Variants in ZNF609 observed in about 807,000 individuals in gnomAD.
ZNF609 encodes zinc finger protein 609.
In ZNF609, 11 loss-of-function variants were observed where a neutral mutation model predicts 109.5. That is an observed-to-expected ratio of 0.10 (90% CI 0.06 to 0.17). The LOEUF is 0.17. Ranked by LOEUF, ZNF609 falls within the 10% of genes least tolerant of loss-of-function variation. The pLI, the probability that ZNF609 is intolerant of heterozygous loss-of-function variation, is 1.00. For synonymous variants in ZNF609, 646 were observed against 662.0 expected, an observed-to-expected ratio of 0.98 and a Z score of 0.37; for missense variants, 1,559 against 1,772.4, an observed-to-expected ratio of 0.88 and a Z score of 2.16.
Position 64,460,673 on chromosome 15 carries a change from C to G in ZNF609, c.-293C>G, listed in dbSNP as rs1480526919. 1.6e-5 allele frequency: 1 copy of G among 64,444 alleles called. No homozygotes were observed. Among genetic ancestry groups the G allele is most frequent in the East Asian group, 4.8e-4 (1 of 2,094 alleles). The allele number at this position is 64,444 out of a possible 1,614,324, so 4.0% of individuals were successfully genotyped here. A position where few individuals can be genotyped will look rare whatever the true frequency, so the allele number is the denominator to read the frequency against. On this transcript the variant is annotated 5_prime_UTR_variant, in exon 1 of 10. Coordinates refer to ENST00000326648, the MANE Select transcript of ZNF609 (RefSeq NM_015042.2). Reference sequence around the variant, plus strand: ...ACCGGCCGGGCGGGGCGGAGAGGCGCGGGGAGGGGGCAGAGAGCCAGAGCC... The same window carrying G: ...ACCGGCCGGGCGGGGCGGAGAGGCGGGGGGAGGGGGCAGAGAGCCAGAGCC...
Position 64,573,346 on chromosome 15 carries a change from C to CTTTTTTT in ZNF609, c.748-49461_748-49455dup, listed in dbSNP as rs71133442. On this transcript the variant is annotated intron_variant, in intron 2 of 9. Coordinates refer to ENST00000326648, the MANE Select transcript of ZNF609 (RefSeq NM_015042.2). ...GCAGTAGAGTTAGTGGCCCAACTTT[C>CTTTTTTT]TTTTTTTTTTTTTTTTTTTTTTTTT... 2.5e-3 allele frequency among the ~76,000 whole-genome samples: 184 copies of CTTTTTTT among 72,974 alleles called. 42 individuals carry two copies. The highest frequency in any genetic ancestry group is 3.7e-3 in the East Asian group (7 of 1,894). The allele number at this position is 72,974 out of a possible 152,430, so 47.9% of individuals were successfully genotyped here.
At chr15:64,653,133 T>C (rs1321123096) in intron 3 of ZNF609, 2 of 152,212 alleles carry the variant, frequency 1.3e-5, no homozygotes, top group Non-Finnish European at 2.9e-5. Flanking sequence ...GAGCTGAAGA[T>C]AGCTACTATA....
At chr15:64,529,545 G>C in intron 2 of ZNF609, 1 of 1,305,162 alleles carries the variant, frequency 7.7e-7, no homozygotes, top group Non-Finnish European at 1.1e-6. Context: ...TGTAGACCAT[G>C]TAGTTGAGGT....
chr15:64,515,926 G>A (rs1229596048), intron 2 of ZNF609, among the ~76,000 whole-genome samples: 1 of 140,906 alleles, frequency 7.1e-6, no homozygotes, highest in Non-Finnish European at 1.5e-5. Flanking sequence ...CAGCAAAGGC[G>A]AAACTCCGTC....
chr15:64,623,905 C>T (rs949120898), intron 3 of ZNF609, among the ~76,000 whole-genome samples: 1 of 152,170 alleles, frequency 6.6e-6, no homozygotes, highest in Non-Finnish European at 1.5e-5. Context: ...CATGTCTCTG[C>T]ATCAGTAAAC....
At chr15:64,493,831 G>T (rs1372552723) in intron 1 of ZNF609, among the ~76,000 whole-genome samples, 1 of 152,164 alleles carries the variant, frequency 6.6e-6, no homozygotes, top group Non-Finnish European at 1.5e-5. Context: ...CTAGCATGTT[G>T]GTTACCCCAC....
intron 2 of ZNF609, among the ~76,000 whole-genome samples, chr15:64,607,831 C>T (rs1305158075): frequency 6.4e-5 from 1 of 15,556 alleles, no homozygotes; most frequent in Non-Finnish European, 2.0e-4. Context: ...TTCTTTCTTT[C>T]TTTCTTTCTT....
intron 3 of ZNF609, among the ~76,000 whole-genome samples, chr15:64,640,140 G>A (rs1397889021): frequency 2.0e-5 from 3 of 152,010 alleles, no homozygotes; most frequent in African/African-American, 7.2e-5. Flanking sequence ...CCAGGATGGT[G>A]TTGATCTCCT....
At chr15:64,593,323 G>T (rs1183470714) in intron 2 of ZNF609, 7 of 1,349,238 alleles carry the variant, frequency 5.2e-6, no homozygotes, top group Admixed American at 1.7e-5. Context: ...CAAAGCCCAT[G>T]TAAGGAGGTG....
intron 2 of ZNF609, among the ~76,000 whole-genome samples, chr15:64,527,292 A>G (rs939013793): frequency 1.5e-5 from 2 of 136,776 alleles, no homozygotes; most frequent in East Asian, 2.0e-4. Flanking sequence ...TATCAGCTAC[A>G]CTCCATTTCC....
rs527931372 is a variant in ZNF609, at chr15:64,631,306, T to C, written c.973+8254T>C. 3.4e-4 allele frequency: 228 copies of C among 677,970 alleles called. 4 individuals carry two copies. In the East Asian group the frequency reaches 6.5e-3, roughly 19 times the overall value. The allele number at this position is 677,970 out of a possible 1,614,324, so 42.0% of individuals were successfully genotyped here. ...ATCTTGGCTTTTAGAGAGTGAGTGC[T>C]TAATGTGCTGAATACACACATTAAT... is the stretch of plus-strand genomic sequence containing the variant. On this transcript the variant is annotated intron_variant, in intron 3 of 9. Coordinates refer to ENST00000326648, the MANE Select transcript of ZNF609 (RefSeq NM_015042.2).
intron 3 of ZNF609, among the ~76,000 whole-genome samples, chr15:64,651,281 G>A (rs184000183): frequency 6.6e-6 from 1 of 152,192 alleles, no homozygotes; most frequent in African/African-American, 2.4e-5. Flanking sequence ...TATTTGCTTT[G>A]TATATGGGAG....
chr15:64,534,114 C>T (rs746689731), intron 2 of ZNF609, among the ~76,000 whole-genome samples: 3 of 150,976 alleles, frequency 2.0e-5, no homozygotes, highest in Non-Finnish European at 2.9e-5. Flanking sequence ...CGGGTTGAAG[C>T]GATTATCCTC....
At chr15:64,537,591 C>T (rs891412093) in intron 2 of ZNF609, among the ~76,000 whole-genome samples, 1 of 151,358 alleles carries the variant, frequency 6.6e-6, no homozygotes, top group Non-Finnish European at 1.5e-5. Context: ...AGCTGTATTA[C>T]ACAGAAATGT....
At chr15:64,543,255 C>CTTTTTTTTTTTTTTT (rs77646116) in intron 2 of ZNF609, among the ~76,000 whole-genome samples, 3 of 113,316 alleles carry the variant, frequency 2.6e-5, no homozygotes, top group South Asian at 3.0e-4. Flanking sequence ...TTTGTTGTTG[C>CTTTTTTTTTTTTTTT]TTTTTTTTTT....
chr15:64,616,931 C>T (rs1430649671), intron 2 of ZNF609, among the ~76,000 whole-genome samples: 4 of 146,068 alleles, frequency 2.7e-5, no homozygotes, highest in East Asian at 4.1e-4. Context: ...GCCTCAGTCT[C>T]CCAAGTAGCT....
chr15:64,460,404 GC>G (rs1372112377), upstream of ZNF609, among the ~76,000 whole-genome samples: 1 of 152,152 alleles, frequency 6.6e-6, no homozygotes, highest in Non-Finnish European at 1.5e-5. Context: ...CATTCCCTGA[GC>G]TAAGACTCCC....
chr15:64,487,698 T>G (rs949663331), intron 1 of ZNF609, among the ~76,000 whole-genome samples: 6 of 151,966 alleles, frequency 3.9e-5, no homozygotes, highest in African/African-American at 1.4e-4. Context: ...GGTGGCACAA[T>G]CTCGGCTCAC....
At chr15:64,669,675 T>A (rs1896697981) in intron 3 of ZNF609, among the ~76,000 whole-genome samples, 1 of 152,048 alleles carries the variant, frequency 6.6e-6, no homozygotes, top group African/African-American at 2.4e-5. Context: ...TTTTATTTTT[T>A]ATTTTTTTTT....
Sources: gnomAD v4.1 joint callset for allele counts (sites outside exome capture counted in the v4.1 genomes callset) on GRCh38, gnomAD v4.1.1 for gene constraint, MANE v1.5 for transcripts, NCBI Gene and HGNC (gene_info 2026-07-23, HGNC 2026-07-21) for gene names.